Variants in RPN2 observed in about 807,000 individuals in gnomAD.
RPN2 encodes the protein ribophorin II.
A neutral mutation model predicts 71.4 loss-of-function variants in RPN2; 29 were observed. That is an observed-to-expected ratio of 0.41 (90% CI 0.30 to 0.55). The LOEUF (loss-of-function observed/expected upper bound fraction) is 0.55. Among genes scored for constraint, RPN2 ranks in the 20% least tolerant of loss-of-function variants. The pLI, the probability that RPN2 is intolerant of heterozygous loss-of-function variation, is 0.35. For synonymous variants in RPN2, 308 were observed against 305.0 expected (o/e 1.01, Z -0.10); for missense variants, 726 against 774.1 (o/e 0.94, Z 0.74).
At chr20:37,195,678 G>A (rs2067240274) in intron 2 of RPN2, among the ~76,000 whole-genome samples, 1 of 152,192 alleles carries the variant, frequency 6.6e-6, no homozygotes, top group Non-Finnish European at 1.5e-5. Flanking sequence ...TAGAAGTAGA[G>A]GTAGTCATTG....
At chr20:37,204,721 T>C in intron 5 of RPN2, 46 bp from the exon 6 acceptor site, 1 of 1,613,072 alleles carries the variant, frequency 6.2e-7, no homozygotes, top group Non-Finnish European at 8.5e-7. Context: ...GCATCTCATT[T>C]CTGCTGTTAC....
At chr20:37,213,303 T>G (rs2067720162) in intron 8 of RPN2, among the ~76,000 whole-genome samples, 1 of 152,322 alleles carries the variant, frequency 6.6e-6, no homozygotes, top group East Asian at 1.9e-4. Context: ...TCATCTTAGA[T>G]ACTTTTCTCC....
intron 9 of RPN2, among the ~76,000 whole-genome samples, chr20:37,219,509 G>A (rs751947399): frequency 2.6e-4 from 39 of 152,136 alleles, no homozygotes; most frequent in Non-Finnish European, 4.4e-4. Flanking sequence ...CTCACAGTCT[G>A]AAGGTTGTAT....
Position 37,238,501 on chromosome 20 carries a change from G to T in RPN2, c.1883+1792G>T. 4 of 1,300,258 alleles carry T rather than the reference G, an allele frequency of 3.1e-6. No individual in the cohort carries two copies. In the South Asian group the frequency reaches 5.0e-5, roughly 16 times the overall value. The allele number at this position is 1,300,258 out of a possible 1,614,324, so 80.5% of individuals were successfully genotyped here. ...AGAAGCAGGGTCCCTTCCCCGTCTT[G>T]CCCGCCTCATGCATGTCAGTTATCT... On this transcript the variant is annotated intron_variant, in intron 16 of 16. Transcript: ENST00000237530.
chr20:37,192,495 A>T (rs2067163391), intron 2 of RPN2, among the ~76,000 whole-genome samples: 1 of 152,212 alleles, frequency 6.6e-6, no homozygotes, highest in African/African-American at 2.4e-5. Context: ...ACAATCTTGC[A>T]CTGGAGTGCT....
rs867676973 is a variant in RPN2, at chr20:37,213,925, T to A, written c.1092+60T>A. ...AGTATATCCAAGGATATGGCCAAAT[T>A]GACACAGTATTAATTGTCTGGTGCA... On this transcript the variant is annotated intron_variant, in intron 9 of 16. Transcript: ENST00000237530. 7 of 1,200,486 alleles carry A rather than the reference T, an allele frequency of 5.8e-6. No homozygotes were observed. The African/African-American group carries it at 6.0e-5, about 10-fold the overall frequency. The allele number at this position is 1,200,486 out of a possible 1,614,324, so 74.4% of individuals were successfully genotyped here. A position where few individuals can be genotyped will look rare whatever the true frequency, so the allele number is the denominator to read the frequency against.
chr20:37,194,195 C>T (rs1214970294), intron 2 of RPN2, among the ~76,000 whole-genome samples: 2 of 152,034 alleles, frequency 1.3e-5, no homozygotes, highest in East Asian at 3.8e-4. Context: ...AAGACTGGAG[C>T]AGTGTGGCTG....
intron 9 of RPN2, among the ~76,000 whole-genome samples, chr20:37,221,890 A>T (rs761283685): frequency 1.3e-5 from 2 of 152,200 alleles, no homozygotes; most frequent in Non-Finnish European, 2.9e-5. Flanking sequence ...TGCTTTCATA[A>T]CACTTTGTAC....
chr20:37,210,999 G>A (rs1430794271), intron 8 of RPN2, among the ~76,000 whole-genome samples: 1 of 151,834 alleles, frequency 6.6e-6, no homozygotes, highest in Admixed American at 6.6e-5. Flanking sequence ...ACCAGCCTGG[G>A]CAACATAGCA....
chr20:37,235,239 T>G (rs1451878459), intron 15 of RPN2, among the ~76,000 whole-genome samples: 1 of 152,222 alleles, frequency 6.6e-6, no homozygotes, highest in African/African-American at 2.4e-5. Context: ...GACCTTTCTC[T>G]CTGGCTCAGT....
chr20:37,241,151 C>G, intron 16 of RPN2, 152 bp from the exon 17 acceptor site: 1 of 884,114 alleles, frequency 1.1e-6, no homozygotes, highest in Non-Finnish European at 1.8e-6. Flanking sequence ...ATGGGGCATA[C>G]ATAAATAGAC....
intron 6 of RPN2, among the ~76,000 whole-genome samples, chr20:37,206,019 T>C (rs1438126850): frequency 6.6e-6 from 1 of 152,188 alleles, no homozygotes; most frequent in African/African-American, 2.4e-5. Context: ...AGAGTAGTGA[T>C]GGAAAATTGT....
intron 13 of RPN2, among the ~76,000 whole-genome samples, chr20:37,231,968 TG>T (rs1312808350): frequency 6.6e-6 from 1 of 152,174 alleles, no homozygotes; most frequent in Non-Finnish European, 1.5e-5. Context: ...TCCATATACC[TG>T]GGCACCCTCT....
At chr20:37,200,153 T>C (rs1457616058) in intron 4 of RPN2, among the ~76,000 whole-genome samples, 1 of 152,124 alleles carries the variant, frequency 6.6e-6, no homozygotes, top group Non-Finnish European at 1.5e-5. Flanking sequence ...CCACCACGCC[T>C]GGCCAATTTT....
In RPN2 at chr20:37,185,790, G is replaced by A. The variant is rs572829138; in HGVS notation, c.207+1417G>A. 4.6e-5 allele frequency among the ~76,000 whole-genome samples: 7 copies of A among 152,272 alleles called. 1 individual carries two copies. Among genetic ancestry groups the A allele is most frequent in the South Asian group, 2.1e-4 (1 of 4,828 alleles). On this transcript the variant is annotated intron_variant, in intron 2 of 16. Transcript: ENST00000237530. ...CTATGGGTGCATCCCACCGCACCCC[G>A]CTGTTAGCTGATAATCCTGCAGGTC...
chr20:37,189,720 A>G (rs554169720), intron 2 of RPN2, among the ~76,000 whole-genome samples: 34 of 152,338 alleles, frequency 2.2e-4, no homozygotes, highest in Middle Eastern at 3.4e-3. Flanking sequence ...TTCTGGCTCC[A>G]CCTCTCTGCA....
rs570138079 is a variant in RPN2 at position 37,194,118 on chromosome 20, A to G, written c.208-4279A>G. Reference sequence around the variant, plus strand: ...CTGGAAAATGTCCTCTGCTTCGACAATTTGGAGGTTGCCACTGGCCTGCTG... The same window carrying G: ...CTGGAAAATGTCCTCTGCTTCGACAGTTTGGAGGTTGCCACTGGCCTGCTG... On this transcript the variant is annotated intron_variant, in intron 2 of 16. Transcript: ENST00000237530. Among the ~76,000 whole-genome samples the G allele has an allele frequency of 4.6e-5, 7 of 152,266 alleles. 1 individual carries two copies. Among genetic ancestry groups the G allele is most frequent in the African/African-American group, 1.2e-4 (5 of 41,526 alleles).
At chr20:37,198,252 A>T in intron 2 of RPN2, 145 bp from the exon 3 acceptor site, 3 of 1,484,748 alleles carry the variant, frequency 2.0e-6, no homozygotes, top group Non-Finnish European at 1.8e-6. Context: ...ACCGTGTCCT[A>T]TGGAAAGTAA....
intron 12 of RPN2, 44 bp from the exon 13 acceptor site, chr20:37,229,929 C>A: frequency 6.3e-6 from 9 of 1,430,534 alleles, no homozygotes; most frequent in Non-Finnish European, 8.9e-6. Flanking sequence ...GTTTCACCCA[C>A]TTCTCTGCCC....
Sources: gnomAD v4.1 joint callset for allele counts (sites outside exome capture counted in the v4.1 genomes callset) on GRCh38, gnomAD v4.1.1 for gene constraint, MANE v1.5 for transcripts, NCBI Gene and HGNC (gene_info 2026-07-23, HGNC 2026-07-21) for gene names.